ASPH: variants seen among roughly 807,000 people sequenced by gnomAD.
The protein encoded by ASPH is aspartyl/asparaginyl beta-hydroxylase.
In ASPH, 100 loss-of-function variants were observed where a neutral mutation model predicts 118.4. The ratio of observed to expected loss-of-function variants is 0.84; its 90% CI spans 0.72 to 1.00. ASPH has a LOEUF of 1.00. ASPH is among the 50% of genes least tolerant of loss of function. The probability of loss-of-function intolerance (pLI) is 0.00; values close to 1 mark genes in which losing one functional copy is unlikely to be tolerated. For missense variants in ASPH, 920 were observed against 919.5 expected (o/e 1.00, Z -0.01); for synonymous variants, 315 against 325.6 (o/e 0.97, Z 0.35).
At chr8:61,575,436 A>G (rs1369128199) in intron 16 of ASPH, among the ~76,000 whole-genome samples, 1 of 152,020 alleles carries the variant, frequency 6.6e-6, no homozygotes, top group African/African-American at 2.4e-5. Context: ...TCCTCTGCTT[A>G]GCACTTAGCC....
rs143908891 is a variant in ASPH, at chr8:61,663,120, G to A, written c.323-9460C>T. 5.5e-4 allele frequency: 540 copies of A among 985,340 alleles called. 2 individuals carry two copies. The African/African-American group carries it at 7.5e-3, about 14-fold the overall frequency. The allele number at this position is 985,340 out of a possible 1,614,324, so 61.0% of individuals were successfully genotyped here. ...TATCTCAGGAGAAAAGATCTAACAC[G>A]GGGATATGGTTTGAGAATCGTGTAA... On this transcript the variant is annotated intron_variant, in intron 3 of 24. Transcript: ENST00000379454.
Position 61,698,807 on chromosome 8 carries a change from T to C in ASPH, c.104-14619A>G, listed in dbSNP as rs536038332. Among the ~76,000 whole-genome samples, 258 of 152,350 alleles carry C rather than the reference T, an allele frequency of 1.7e-3. 1 individual carries two copies. The highest frequency in any genetic ancestry group is 5.6e-3 in the African/African-American group (232 of 41,574). ...GTCAGGAAACAAGAAGAAGACCAAA[T>C]ATATATTTCACAATATCACAGATGG... is the stretch of plus-strand genomic sequence containing the variant. On this transcript the variant is annotated intron_variant, in intron 1 of 24. Coordinates refer to ENST00000379454, the MANE Select transcript of ASPH (RefSeq NM_004318.4).
At chr8:61,653,985 G>C (rs758962998) in intron 3 of ASPH, among the ~76,000 whole-genome samples, 1 of 152,048 alleles carries the variant, frequency 6.6e-6, no homozygotes, top group Non-Finnish European at 1.5e-5. Context: ...TTTCATAAGC[G>C]ATTAATTCCT....
rs1804977791 is a variant in ASPH, at chr8:61,501,758, A to AAAG, written c.*1598_*1600dup. On this transcript the variant is annotated 3_prime_UTR_variant, in exon 25 of 25. Transcript: ENST00000379454. ...ATACCAGCAAAACAAAAGAACAGGA[A>AAAG]AAGTATTTTGCAAACTCATCTACTG... 6.6e-6 allele frequency: 1 copy of AAAG among 152,216 alleles called. No homozygotes were observed. Among genetic ancestry groups the AAAG allele is most frequent in the East Asian group, 1.9e-4 (1 of 5,196 alleles). The allele number at this position is 152,216 out of a possible 1,614,324, so 9.4% of individuals were successfully genotyped here.
intron 21 of ASPH, among the ~76,000 whole-genome samples, chr8:61,526,391 CT>C (rs912278598): frequency 5.9e-5 from 9 of 152,058 alleles, no homozygotes; most frequent in African/African-American, 1.7e-4. Flanking sequence ...TGCCTAAAGA[CT>C]TTTTTTTGAA....
At chr8:61,629,097 C>A (rs544742943) in intron 13 of ASPH, among the ~76,000 whole-genome samples, 1 of 151,444 alleles carries the variant, frequency 6.6e-6, no homozygotes, top group Non-Finnish European at 1.5e-5. Context: ...TGGAGTGAAA[C>A]CACTACCAAT....
intron 14 of ASPH, among the ~76,000 whole-genome samples, chr8:61,602,682 G>A (rs1473993113): frequency 6.6e-6 from 1 of 151,190 alleles, no homozygotes; most frequent in Non-Finnish European, 1.5e-5. Flanking sequence ...CACAGAGGAA[G>A]AACATCCAGG....
chr8:61,626,039 A>C (rs1214291768), intron 13 of ASPH: 1 of 1,228,216 alleles, frequency 8.1e-7, no homozygotes, highest in African/African-American at 1.6e-5. Flanking sequence ...TAATGCTATC[A>C]AAAGGGACAT....
chr8:61,645,383 G>A (rs1261119256), intron 6 of ASPH, among the ~76,000 whole-genome samples: 1 of 152,140 alleles, frequency 6.6e-6, no homozygotes, highest in Non-Finnish European at 1.5e-5. Context: ...CATCTTAACT[G>A]AAATTTGTTG....
intron 3 of ASPH, among the ~76,000 whole-genome samples, chr8:61,670,247 T>C (rs1821757166): frequency 6.6e-6 from 1 of 150,632 alleles, no homozygotes. Context: ...TTTTTTTGTA[T>C]CCCAGAACTT....
chr8:61,688,521 C>A (rs1487749010), intron 1 of ASPH, among the ~76,000 whole-genome samples: 1 of 152,164 alleles, frequency 6.6e-6, no homozygotes, highest in Non-Finnish European at 1.5e-5. Context: ...AGCACTTGAA[C>A]AGTCACCAGC....
At chr8:61,505,030 C>A (rs536524700) in intron 24 of ASPH, among the ~76,000 whole-genome samples, 4 of 152,190 alleles carry the variant, frequency 2.6e-5, no homozygotes, top group African/African-American at 9.6e-5. Flanking sequence ...AATTGTACTC[C>A]CATAATTCCC....
At chr8:61,693,655 C>T (rs935919399) in intron 1 of ASPH, among the ~76,000 whole-genome samples, 3 of 152,200 alleles carry the variant, frequency 2.0e-5, no homozygotes, top group African/African-American at 2.4e-5. Flanking sequence ...CACCACACGA[C>T]GCACAGAATG....
chr8:61,548,264 T>C (rs1824630392), intron 20 of ASPH, 56 bp from the exon 21 acceptor site: 2 of 1,516,888 alleles, frequency 1.3e-6, no homozygotes, highest in Admixed American at 4.3e-5. Flanking sequence ...GCATTTTTAT[T>C]AATTTTAAAA....
In ASPH at chr8:61,562,886, T is replaced by C. The variant is rs372919435; in HGVS notation, c.1301-6A>G. On this transcript the variant is annotated splice_polypyrimidine_tract_variant and splice_region_variant and intron_variant, in intron 17 of 24. Coordinates refer to ENST00000379454, the MANE Select transcript of ASPH (RefSeq NM_004318.4). ...CAGGGAACCTCTCATATGACCTGAG[T>C]AGGTGGGAATTTAAAAAAAATAGAA... 4 of 1,566,490 alleles carry C rather than the reference T, an allele frequency of 2.6e-6. No individual in the cohort carries two copies. The highest frequency in any genetic ancestry group is 3.4e-6 in the Non-Finnish European group (4 of 1,163,364).
intron 21 of ASPH, among the ~76,000 whole-genome samples, chr8:61,529,378 G>A (rs182180821): frequency 1.9e-3 from 296 of 152,268 alleles, no homozygotes; most frequent in Non-Finnish European, 3.3e-3. Context: ...CCTGGTGAGC[G>A]CCCTGCAGAG....
At chr8:61,631,008 G>GT (rs939429610) in intron 13 of ASPH, among the ~76,000 whole-genome samples, 5 of 151,876 alleles carry the variant, frequency 3.3e-5, no homozygotes, top group Non-Finnish European at 7.4e-5. Context: ...CTGTGTCTTA[G>GT]TTTTTTACAA....
intron 1 of ASPH, among the ~76,000 whole-genome samples, chr8:61,686,480 A>T (rs1441977562): frequency 1.1e-4 from 16 of 152,224 alleles, no homozygotes; most frequent in Admixed American, 1.0e-3. Flanking sequence ...CTGTGAGGTC[A>T]GGAAGCACCA....
intron 3 of ASPH, among the ~76,000 whole-genome samples, chr8:61,655,782 T>C (rs1588743360): frequency 6.6e-6 from 1 of 152,268 alleles, no homozygotes; most frequent in South Asian, 2.1e-4. Context: ...TTTTACCCTG[T>C]CCAAAGTGGA....
Sources: gnomAD v4.1 joint callset for allele counts (sites outside exome capture counted in the v4.1 genomes callset) on GRCh38, gnomAD v4.1.1 for gene constraint, MANE v1.5 for transcripts, NCBI Gene and HGNC (gene_info 2026-07-23, HGNC 2026-07-21) for gene names.